BBS10: variants seen among roughly 807,000 people sequenced by gnomAD.
The protein encoded by BBS10 is Bardet-Biedl syndrome 10, also known as BBSome complex assembly protein BBS10.
In BBS10, 13 loss-of-function variants were observed where a neutral mutation model predicts 12.7. The ratio of observed to expected loss-of-function variants is 1.03; its 90% CI spans 0.67 to 1.63. The LOEUF (loss-of-function observed/expected upper bound fraction) is 1.63. BBS10 is among the 40% of genes most tolerant of loss of function. The pLI is 0.00. For missense variants in BBS10, 858 were observed against 858.0 expected (o/e 1.00, Z 0.00); for synonymous variants, 294 against 304.8 (o/e 0.96, Z 0.37).
chr12:76,345,995 C>T lies in BBS10; in HGVS notation c.1990G>A (p.Ala664Thr). The change falls in exon 2 of 2, where the codon GCA becomes ACA. Residue 664 changes from alanine (A) to threonine (T), a missense_variant. Transcript: ENST00000650064. ...FPHTYIRAVHALQTNQPLVSS... is the reference protein window; with the variant it reads ...FPHTYIRAVHTLQTNQPLVSS... ...ACCAAGGGTTGATTGGTTTGCAGTG[C>T]ATGGACAGCTCTTATATATGTATGT... The T allele has an allele frequency of 1.9e-6, 3 of 1,613,984 alleles. No individual in the cohort carries two copies. The highest frequency in any genetic ancestry group is 2.5e-6 in the Non-Finnish European group (3 of 1,179,938).
Position 76,345,648 on chromosome 12 carries a change from A to T in BBS10, c.*165T>A. On this transcript the variant is annotated 3_prime_UTR_variant, in exon 2 of 2. Coordinates refer to ENST00000650064, the MANE Select transcript of BBS10 (RefSeq NM_024685.4). ...CTAGATTTGTTCCATAAAGTAATTT[A>T]ATATTTGTATCTGGTCTGGTGACCT... The T allele has an allele frequency of 1.5e-6, 1 of 650,036 alleles. No individual in the cohort carries two copies. The highest frequency in any genetic ancestry group is 2.6e-6 in the Non-Finnish European group (1 of 379,880). 40.3% of individuals were successfully genotyped at this position (650,036 alleles called of 1,614,324 possible).
Position 76,348,257 on chromosome 12 carries a change from C to A in BBS10, c.102G>T (p.Arg34=), listed in dbSNP as rs376601112. The A allele has an allele frequency of 1.8e-5, 29 of 1,613,356 alleles. No homozygotes were observed. The African/African-American group carries it at 3.7e-4, about 21-fold the overall frequency. Residue 34 remains arginine, a synonymous_variant, in exon 1 of 2, where the codon CGG becomes CGT. Transcript: ENST00000650064. The stretch of plus-strand genomic sequence containing the variant: ...CAGTGGGCTTCGTACACAAAACTTG[C>A]CGTCCCTCGGGCCCCACGCAGCAGC... ...IVSCCVGPEG[R]QVLCTKPTGE...
Position 76,345,939 on chromosome 12 carries a change from C to T in BBS10, c.2046G>A (p.Met682Ile). 6.2e-7 allele frequency: 1 copy of T among 1,614,000 alleles called. No homozygotes were observed. The highest frequency in any genetic ancestry group is 8.5e-7 in the Non-Finnish European group (1 of 1,179,916). Residue 682 changes from methionine to isoleucine, a missense_variant, in exon 2 of 2, where the codon ATG becomes ATA. By Grantham distance (10) the Met-to-Ile change is conservative. Coordinates refer to ENST00000650064, the MANE Select transcript of BBS10 (RefSeq NM_024685.4). ...VSSQTGLESV[M>I]GKYQLLTSVL... ...CTGAAGTTAGTAGCTGGTATTTACC[C>T]ATTACTGATTCCAAACCTGTCTGAC...
chr12:76,346,851 G>C lies in BBS10; in HGVS notation c.1134C>G (p.Ser378=). The C allele has an allele frequency of 6.2e-7, 1 of 1,613,920 alleles. No individual in the cohort carries two copies. Among genetic ancestry groups the C allele is most frequent in the South Asian group, 1.1e-5 (1 of 91,070 alleles). The change falls in exon 2 of 2, where the codon TCC becomes TCG. Residue 378 remains serine, a synonymous_variant. Transcript: ENST00000650064. ...VKFCKPLILR[S]KRYVHLGLIS... ...TCAAGCCTAGATGAACATATCTTTT[G>C]GATCTAAGGATAAGAGGTTTACAAA... is the stretch of plus-strand genomic sequence containing the variant.
rs571032291 is a variant in BBS10, at chr12:76,344,488, A to G, written c.*1325T>C. On this transcript the variant is annotated 3_prime_UTR_variant, in exon 2 of 2. Coordinates refer to ENST00000650064, the MANE Select transcript of BBS10 (RefSeq NM_024685.4). ...GAAAAAAATTATGCAGCAGTTTTAA[A>G]GTTCATTCATCCATGAATTCAGCAA... 13 of 152,336 alleles carry G rather than the reference A, an allele frequency of 8.5e-5. No individual in the cohort carries two copies. The East Asian group carries it at 2.5e-3, about 29-fold the overall frequency. The allele number at this position is 152,336 out of a possible 1,614,324, so 9.4% of individuals were successfully genotyped here. A position where few individuals can be genotyped will look rare whatever the true frequency, so the allele number is the denominator to read the frequency against.
At position 76,346,097 on chromosome 12, in the gene BBS10, T is replaced by C; in HGVS notation, c.1888A>G (p.Ser630Gly). 2 of 1,611,442 alleles carry C rather than the reference T, an allele frequency of 1.2e-6. No homozygotes were observed. The highest frequency in any genetic ancestry group is 1.1e-5 in the South Asian group (1 of 90,568). ...AAAAGTGCATTAGCTATTATCATACTAACCATGGTTTCTTCTGATTGATGG... is the reference window on the plus strand; with the variant it reads ...AAAAGTGCATTAGCTATTATCATACCAACCATGGTTTCTTCTGATTGATGG... ...KCHQSEETMV[S>G]MIIANALLGI... Residue 630 changes from serine (S) to glycine (G), a missense_variant, in exon 2 of 2, where the codon AGT becomes GGT. Physicochemically the swap from Ser to Gly is moderately conservative, Grantham distance 56. Coordinates refer to ENST00000650064, the MANE Select transcript of BBS10 (RefSeq NM_024685.4).
chr12:76,347,779 A>G lies in BBS10; in HGVS notation c.206T>C (p.Val69Ala). Reference protein sequence around the residue: ...HLEHPIARMIVDCVSSHLKKT... With the variant: ...HLEHPIARMIADCVSSHLKKT... ...TTTGAGATGACTGGAAACACAGTCC[A>G]CTATCATCCTGTACAAAAAAGAAAT... The change falls in exon 2 of 2, where the codon GTG becomes GCG. Residue 69 changes from valine to alanine, a missense_variant. Val to Ala is a moderately conservative substitution (Grantham distance 64, BLOSUM62 0). Coordinates refer to ENST00000650064, the MANE Select transcript of BBS10 (RefSeq NM_024685.4). 6.2e-7 allele frequency: 1 copy of G among 1,601,242 alleles called. No individual in the cohort carries two copies. Among genetic ancestry groups the G allele is most frequent in the Non-Finnish European group, 8.5e-7 (1 of 1,179,698 alleles).
At position 76,346,842 on chromosome 12, in the gene BBS10, A is replaced by C. The variant is rs1340165752; in HGVS notation, c.1143T>G (p.Tyr381Ter). ...CKPLILRSKR[Y>*]VHLGLISTCA... The stretch of plus-strand genomic sequence containing the variant: ...ATGTGCTTATCAAGCCTAGATGAAC[A>C]TATCTTTTGGATCTAAGGATAAGAG... The change falls in exon 2 of 2, where the codon TAT becomes TAG. Residue 381 changes from tyrosine to a stop codon, truncating the protein, a stop_gained. Coordinates refer to ENST00000650064, the MANE Select transcript of BBS10 (RefSeq NM_024685.4). LOFTEE classifies it low-confidence loss of function (END_TRUNC). 1.9e-6 allele frequency: 3 copies of C among 1,614,122 alleles called. No homozygotes were observed. Among genetic ancestry groups the C allele is most frequent in the South Asian group, 1.1e-5 (1 of 91,080 alleles).
rs750208581 is a variant in BBS10 at position 76,346,628 on chromosome 12, C to T, written c.1357G>A (p.Glu453Lys). Residue 453 changes from glutamate to lysine, a missense_variant, in exon 2 of 2, where the codon GAA becomes AAA. By Grantham distance (56) the Glu-to-Lys change is moderately conservative. Transcript: ENST00000650064. Reference protein sequence around the residue: ...SSLFIYKNSGESYQAPDPGNG... With the variant: ...SSLFIYKNSGKSYQAPDPGNG... ...CCAGGATCTGGTGCTTGATAACTTT[C>T]TCCACTGTTCTTATAAATAAAAAGA... 5 of 1,613,950 alleles carry T rather than the reference C, an allele frequency of 3.1e-6. No homozygotes were observed. In the South Asian group the frequency reaches 5.5e-5, roughly 18 times the overall value.
chr12:76,345,941 T>C lies in BBS10; in HGVS notation c.2044A>G (p.Met682Val). Residue 682 changes from methionine (M) to valine (V), a missense_variant, in exon 2 of 2, where the codon ATG becomes GTG. Physicochemically the swap from Met to Val is conservative, Grantham distance 21 (BLOSUM62 1). Transcript: ENST00000650064. ...VSSQTGLESV[M>V]GKYQLLTSVL... ...GAAGTTAGTAGCTGGTATTTACCCA[T>C]TACTGATTCCAAACCTGTCTGACTG... The C allele has an allele frequency of 6.2e-7, 1 of 1,614,088 alleles. No individual in the cohort carries two copies. Among genetic ancestry groups the C allele is most frequent in the Non-Finnish European group, 8.5e-7 (1 of 1,179,930 alleles).
rs750611000 is a variant in BBS10 at position 76,346,969 on chromosome 12, ACTT to A, written c.1013_1015del (p.Glu338del). On this transcript the variant is annotated inframe_deletion, in exon 2 of 2. Transcript: ENST00000650064. ...ACCAATGATCCTCCGGATAAGAGAA[ACTT>A]CTTCTGATGATAAACACTCAACCAC... The A allele has an allele frequency of 6.8e-6, 11 of 1,610,870 alleles. No individual in the cohort carries two copies. Among genetic ancestry groups the A allele is most frequent in the Admixed American group, 3.3e-5 (2 of 60,002 alleles).
In BBS10 at chr12:76,344,841, C is replaced by T. The variant is rs1951747753; in HGVS notation, c.*972G>A. On this transcript the variant is annotated 3_prime_UTR_variant, in exon 2 of 2. Transcript: ENST00000650064. The stretch of plus-strand genomic sequence containing the variant: ...ACAGAGAACTGATAAAGGTAGAAAA[C>T]ACTGTCCTTGTCCATGATAAGATGC... The T allele has an allele frequency of 6.6e-6, 1 of 152,106 alleles. No individual in the cohort carries two copies. The highest frequency in any genetic ancestry group is 1.5e-5 in the Non-Finnish European group (1 of 67,988). The allele number at this position is 152,106 out of a possible 1,614,324, so 9.4% of individuals were successfully genotyped here. A position where few individuals can be genotyped will look rare whatever the true frequency, so the allele number is the denominator to read the frequency against.
rs144402299 is a variant in BBS10, at chr12:76,346,289, T to G, written c.1696A>C (p.Asn566His). 1.2e-6 allele frequency: 2 copies of G among 1,613,618 alleles called. No homozygotes were observed. Among genetic ancestry groups the G allele is most frequent in the Non-Finnish European group, 1.7e-6 (2 of 1,179,860 alleles). The change falls in exon 2 of 2, where the codon AAT becomes CAT. Residue 566 changes from asparagine (N) to histidine (H), a missense_variant. Coordinates refer to ENST00000650064, the MANE Select transcript of BBS10 (RefSeq NM_024685.4). ...AACATGCTTCCCTTTCTAGTAATATTTGTGACCTGTAAATTTTCGTAAGAA... is the reference window on the plus strand; with the variant it reads ...AACATGCTTCCCTTTCTAGTAATATGTGTGACCTGTAAATTTTCGTAAGAA... ...EISYENLQVT[N>H]ITRKGSMLPV...
chr12:76,348,085 GC>G, intron 1 of BBS10, 76 bp downstream of exon 1: 1 of 1,472,280 alleles, frequency 6.8e-7, no homozygotes, highest in Non-Finnish European at 9.2e-7. Flanking sequence ...AGTACGCATC[GC>G]CTCAGGATGG....
rs752630373 is a variant in BBS10, at chr12:76,346,975, T to C, written c.1010A>G (p.Glu337Gly). 5 of 1,611,006 alleles carry C rather than the reference T, an allele frequency of 3.1e-6. 1 individual carries two copies. In the South Asian group the frequency reaches 4.4e-5, roughly 14 times the overall value. The change falls in exon 2 of 2, where the codon GAA becomes GGA. Residue 337 changes from glutamate to glycine, a missense_variant. Transcript: ENST00000650064. ...GATCCTCCGGATAAGAGAAACTTCT[T>C]CTGATGATAAACACTCAACCACTGA... Reference protein sequence around the residue: ...GISVVECLSSEEVSLIRRIIG... With the variant: ...GISVVECLSSGEVSLIRRIIG...
Position 76,347,385 on chromosome 12 carries a change from C to A in BBS10, c.600G>T (p.Lys200Asn). Residue 200 changes from lysine (K) to asparagine (N), a missense_variant, in exon 2 of 2, where the codon AAG becomes AAT. Coordinates refer to ENST00000650064, the MANE Select transcript of BBS10 (RefSeq NM_024685.4). ...ISQLMCDYFF[K>N]CMTCKSGIGV... is the part of the protein sequence containing the mutation. ...CAATCCCACTTTTACAAGTCATACA[C>A]TTGAAAAAGTAGTCACACATCAACT... The A allele has an allele frequency of 6.2e-7, 1 of 1,614,068 alleles. No homozygotes were observed. Among genetic ancestry groups the A allele is most frequent in the Non-Finnish European group, 8.5e-7 (1 of 1,180,028 alleles).
Position 76,345,854 on chromosome 12 carries a change from G to A in BBS10, c.2131C>T (p.Pro711Ser). Reference protein sequence around the residue: ...IDMVITVKRHPQKVHNQDSED... With the variant: ...IDMVITVKRHSQKVHNQDSED... The stretch of plus-strand genomic sequence containing the variant: ...GAATCTTGATTGTGAACTTTCTGAG[G>A]GTGTCTCTTAACAGTGATTACCATG... Residue 711 changes from proline to serine, a missense_variant, in exon 2 of 2, where the codon CCT becomes TCT. Coordinates refer to ENST00000650064, the MANE Select transcript of BBS10 (RefSeq NM_024685.4). 2 of 1,613,622 alleles carry A rather than the reference G, an allele frequency of 1.2e-6. No individual in the cohort carries two copies. The highest frequency in any genetic ancestry group is 1.7e-6 in the Non-Finnish European group (2 of 1,179,722).
rs753629989 is a variant in BBS10, at chr12:76,346,495, T to A, written c.1490A>T (p.Asp497Val). The change falls in exon 2 of 2, where the codon GAT becomes GTT. Residue 497 changes from aspartate (D) to valine (V), a missense_variant. Coordinates refer to ENST00000650064, the MANE Select transcript of BBS10 (RefSeq NM_024685.4). ...CGGAATATATGTTTCTAATTCTACA[T>A]CTGGAATTACCAAATTAGAATGTAC... ...LKVHSNLVIPDVELETYIPYS... is the reference protein window; with the variant it reads ...LKVHSNLVIPVVELETYIPYS... 6.2e-6 allele frequency: 10 copies of A among 1,613,952 alleles called. No individual in the cohort carries two copies. The African/African-American group carries it at 1.2e-4, about 19-fold the overall frequency.
chr12:76,347,681 C>CTG lies in BBS10; in HGVS notation c.302_303dup (p.Asp102GlnfsTer8). Reference sequence around the variant, plus strand: ...CACATCAAAGGATCCTTTTCTCTGTCTGTGATTGCATGAAGTCCTCTAAGC... The same window carrying CTG: ...CACATCAAAGGATCCTTTTCTCTGTCTGTGTGATTGCATGAAGTCCTCTAAGC... On this transcript the variant is annotated frameshift_variant, in exon 2 of 2. Coordinates refer to ENST00000650064, the MANE Select transcript of BBS10 (RefSeq NM_024685.4). LOFTEE classifies it low-confidence loss of function (END_TRUNC). 6.2e-7 allele frequency: 1 copy of CTG among 1,613,054 alleles called. No individual in the cohort carries two copies. Among genetic ancestry groups the CTG allele is most frequent in the Non-Finnish European group, 8.5e-7 (1 of 1,179,954 alleles).
Sources: gnomAD v4.1 joint callset for allele counts on GRCh38, gnomAD v4.1.1 for gene constraint, MANE v1.5 for transcripts, NCBI Gene and HGNC (gene_info 2026-07-23, HGNC 2026-07-21) for gene names.